KNG1: variants seen among roughly 807,000 people sequenced by gnomAD.
KNG1 encodes the protein kininogen-1.
A neutral mutation model predicts 47.8 loss-of-function variants in KNG1; 23 were observed. The ratio of observed to expected loss-of-function variants is 0.48; its 90% CI spans 0.35 to 0.68. The LOEUF (loss-of-function observed/expected upper bound fraction) is 0.68, where lower values mean the gene tolerates loss of function less well. KNG1 is among the 30% of genes least tolerant of loss of function. The pLI is 0.01. For missense variants in KNG1, 762 were observed against 790.2 expected (o/e 0.96, Z 0.43); for synonymous variants, 277 against 277.0 (o/e 1.00, Z 0.00).
At position 186,743,410 on chromosome 3, in the gene KNG1, C is replaced by A. The variant is rs1029151052; in HGVS notation, c.*1079C>A. ...AGAATAATAGGATTGCCTTTCATTGCCCTATAGTGCAAAGAAGGTATATGC... is the reference window on the plus strand; with the variant it reads ...AGAATAATAGGATTGCCTTTCATTGACCTATAGTGCAAAGAAGGTATATGC... On this transcript the variant is annotated 3_prime_UTR_variant, in exon 10 of 10. Coordinates refer to ENST00000644859, the MANE Select transcript of KNG1 (RefSeq NM_001102416.3). The A allele has an allele frequency of 2.1e-5, 8 of 386,990 alleles. No individual in the cohort carries two copies. Among genetic ancestry groups the A allele is most frequent in the Non-Finnish European group, 3.9e-5 (8 of 205,950 alleles). The allele number at this position is 386,990 out of a possible 1,614,324, so 24.0% of individuals were successfully genotyped here. A position where few individuals can be genotyped will look rare whatever the true frequency, so the allele number is the denominator to read the frequency against.
chr3:186,725,542 G>GTTTTTTTTTTTTTTTT lies in KNG1; in HGVS notation c.564+282_564+283insTTTTTTTTTTTTTTTT, dbSNP rs1560063426. Among the ~76,000 whole-genome samples, 56 of 75,026 alleles carry GTTTTTTTTTTTTTTTT rather than the reference G, an allele frequency of 7.5e-4. 1 individual carries two copies. Among genetic ancestry groups the GTTTTTTTTTTTTTTTT allele is most frequent in the South Asian group, 8.5e-4 (2 of 2,354 alleles). 49.2% of individuals were successfully genotyped at this position (75,026 alleles called of 152,430 possible). On this transcript the variant is annotated intron_variant, in intron 4 of 9. Coordinates refer to ENST00000644859, the MANE Select transcript of KNG1 (RefSeq NM_001102416.3). ...AAAGGAAAAGTCATACCGGCCTTAG[G>GTTTTTTTTTTTTTTTT]ATTTTTTTTTTTTTTTTTTTGAGAC...
At chr3:186,718,781 G>A (rs899231569) in intron 1 of KNG1, among the ~76,000 whole-genome samples, 1 of 152,114 alleles carries the variant, frequency 6.6e-6, no homozygotes, top group Non-Finnish European at 1.5e-5. Context: ...GTGATTCTAC[G>A]GAATTAGACA....
intron 5 of KNG1, among the ~76,000 whole-genome samples, chr3:186,730,408 A>AATCCCAGC (rs1720481544): frequency 6.6e-6 from 1 of 151,830 alleles, no homozygotes; most frequent in African/African-American, 2.4e-5. Context: ...TCATGCCTGT[A>AATCCCAGC]ATCCCAGCAT....
chr3:186,727,723 C>A (rs1490616149), intron 5 of KNG1, among the ~76,000 whole-genome samples: 1 of 152,082 alleles, frequency 6.6e-6, no homozygotes, highest in Non-Finnish European at 1.5e-5. Context: ...AGGCGCCAAC[C>A]ACCACGCATG....
At chr3:186,732,702 AACACT>A (rs1489516908) in intron 7 of KNG1, 28 bp downstream of exon 7, 2 of 1,578,410 alleles carry the variant, frequency 1.3e-6, no homozygotes, top group South Asian at 2.2e-5. Context: ...CAAAAGCAGT[AACACT>A]ATAGTCTATG....
chr3:186,728,252 A>T (rs1720425855), intron 5 of KNG1: 1 of 152,160 alleles, frequency 6.6e-6, no homozygotes, highest in Admixed American at 6.6e-5. Flanking sequence ...TTTGCATTTG[A>T]GCAGAAGACT....
At position 186,727,263 on chromosome 3, in the gene KNG1, T is replaced by G. The variant is rs2304456; in HGVS notation, c.591T>G (p.Ile197Met). The G allele has an allele frequency of 0.11, 183,253 of 1,610,870 alleles. 11,734 individuals are homozygous for G. Among genetic ancestry groups the G allele is most frequent in the South Asian group, 0.22 (19,808 of 90,988 alleles). Residue 197 changes from isoleucine to methionine, a missense_variant, in exon 5 of 10, where the codon ATT becomes ATG. Transcript: ENST00000644859. ...TGGTGGCTGGATTGAACTTTCGAAT[T>G]ACCTACTCAATTGTGCAAACGAATT... is the stretch of plus-strand genomic sequence containing the variant. ...RQVVAGLNFR[I>M]TYSIVQTNCS...
At position 186,742,927 on chromosome 3, in the gene KNG1, G is replaced by T. The variant is rs1720853655; in HGVS notation, c.*596G>T. ...AAAGAAATAATAAGAAAAACTTCCAGATTTCAAAGTAACAAGAAAGAAGAC... is the reference window on the plus strand; with the variant it reads ...AAAGAAATAATAAGAAAAACTTCCATATTTCAAAGTAACAAGAAAGAAGAC... On this transcript the variant is annotated 3_prime_UTR_variant, in exon 10 of 10. Transcript: ENST00000644859. 2 of 983,174 alleles carry T rather than the reference G, an allele frequency of 2.0e-6. No individual in the cohort carries two copies. The highest frequency in any genetic ancestry group is 9.4e-5 in the South Asian group (2 of 21,242). The allele number at this position is 983,174 out of a possible 1,614,324, so 60.9% of individuals were successfully genotyped here.
At chr3:186,736,138 CA>C (rs1720665617) in intron 7 of KNG1, 1 of 152,104 alleles carries the variant, frequency 6.6e-6, no homozygotes, top group African/African-American at 2.4e-5. Context: ...CAGGGGGACA[CA>C]AAGAGGTAAC....
At position 186,725,246 on chromosome 3, in the gene KNG1, CG is replaced by C. The variant is rs1560063290; in HGVS notation, c.553del (p.Ala185ProfsTer9). The C allele has an allele frequency of 6.2e-7, 1 of 1,613,960 alleles. No individual in the cohort carries two copies. The part of the protein sequence containing the change: ...SSLFMLNEVK[R>X]AQRQVVAGLN... Reference sequence around the variant, plus strand: ...CCTCTTCATGCTTAATGAAGTAAAACGGGCCCAAAGACAGGTTTGTTCTTTA... The same window carrying C: ...CCTCTTCATGCTTAATGAAGTAAAACGGCCCAAAGACAGGTTTGTTCTTTA... On this transcript the variant is annotated frameshift_variant, in exon 4 of 10. Coordinates refer to ENST00000644859, the MANE Select transcript of KNG1 (RefSeq NM_001102416.3). LOFTEE classifies it high-confidence loss of function.
Position 186,742,984 on chromosome 3 carries a change from AAATT to A in KNG1, c.*658_*661del, listed in dbSNP as rs1462429452. The A allele has an allele frequency of 3.1e-6, 3 of 979,058 alleles. No individual in the cohort carries two copies. In the African/African-American group the frequency reaches 5.3e-5, roughly 17 times the overall value. 60.6% of individuals were successfully genotyped at this position (979,058 alleles called of 1,614,324 possible). A position where few individuals can be genotyped will look rare whatever the true frequency, so the allele number is the denominator to read the frequency against. ...GCCAAAGGGAGGAAAGGGGGGACAT[AAATT>A]AATTGACTTTCTATTCCCAAAATGG... is the stretch of plus-strand genomic sequence containing the variant. On this transcript the variant is annotated 3_prime_UTR_variant, in exon 10 of 10. Transcript: ENST00000644859.
Position 186,739,225 on chromosome 3 carries a change from G to A in KNG1, c.1038+19G>A, listed in dbSNP as rs1404548201. On this transcript the variant is annotated intron_variant, in intron 8 of 9. Coordinates refer to ENST00000644859, the MANE Select transcript of KNG1 (RefSeq NM_001102416.3). ...ACTTGGCGTGAGTAGTCATGCACCT[G>A]TCTACTTTTTCACTGGAAGCCTATT... 1 of 1,601,054 alleles carries A rather than the reference G, an allele frequency of 6.2e-7. No homozygotes were observed. The highest frequency in any genetic ancestry group is 2.2e-5 in the East Asian group (1 of 44,804).
In KNG1 at chr3:186,725,143, A is replaced by G. The variant is rs1720320968; in HGVS notation, c.447A>G (p.Ile149Met). 1 of 1,614,104 alleles carries G rather than the reference A, an allele frequency of 6.2e-7. No homozygotes were observed. The highest frequency in any genetic ancestry group is 8.5e-7 in the Non-Finnish European group (1 of 1,180,016). ...QYDCLGCVHP[I>M]STQSPDLEPI... ...ACTGCCTCGGCTGTGTGCATCCTAT[A>G]TCAACGCAGAGCCCAGACCTGGAGC... Residue 149 changes from isoleucine to methionine, a missense_variant, in exon 4 of 10, where the codon ATA (isoleucine) becomes ATG (methionine). By Grantham distance (10) the Ile-to-Met change is conservative. Transcript: ENST00000644859.
chr3:186,742,000 C>T lies in KNG1; in HGVS notation c.1604C>T (p.Ser535Phe), dbSNP rs1187464557. 2 of 1,614,134 alleles carry T rather than the reference C, an allele frequency of 1.2e-6. No homozygotes were observed. Among genetic ancestry groups the T allele is most frequent in the African/African-American group, 2.7e-5 (2 of 74,940 alleles). The change falls in exon 10 of 10, where the codon TCT becomes TTT. Residue 535 changes from serine to phenylalanine, a missense_variant. By Grantham distance (155) the Ser-to-Phe change is radical. Coordinates refer to ENST00000644859, the MANE Select transcript of KNG1 (RefSeq NM_001102416.3). ...ASSSEDSTTP[S>F]AQTQEKTEGP... The stretch of plus-strand genomic sequence containing the variant: ...TCTTCTGAAGACAGTACTACACCTT[C>T]TGCACAGACACAAGAGAAGACAGAA...
At chr3:186,724,993 G>A in intron 3 of KNG1, 95 bp from the exon 4 acceptor site, 4 of 1,377,946 alleles carry the variant, frequency 2.9e-6, no homozygotes, top group Admixed American at 1.9e-5. Flanking sequence ...TTACAGGCAT[G>A]AGCCACCACG....
chr3:186,737,091 T>C (rs895569776), intron 7 of KNG1, among the ~76,000 whole-genome samples: 1 of 152,208 alleles, frequency 6.6e-6, no homozygotes, highest in African/African-American at 2.4e-5. Flanking sequence ...ATTTGAATTC[T>C]CTTCCTACCA....
Position 186,727,285 on chromosome 3 carries a change from A to C in KNG1, c.613A>C (p.Asn205His). 1 of 1,614,046 alleles carries C rather than the reference A, an allele frequency of 6.2e-7. No homozygotes were observed. The highest frequency in any genetic ancestry group is 1.1e-5 in the South Asian group (1 of 91,090). ...AATTACCTACTCAATTGTGCAAACG[A>C]ATTGTTCCAAAGAGAATTTTCTGTT... ...FRITYSIVQTNCSKENFLFLT... is the reference protein window; with the variant it reads ...FRITYSIVQTHCSKENFLFLT... Residue 205 changes from asparagine to histidine, a missense_variant, in exon 5 of 10, where the codon AAT becomes CAT. Transcript: ENST00000644859.
At position 186,720,115 on chromosome 3, in the gene KNG1, A is replaced by G; in HGVS notation, c.206A>G (p.Asp69Gly). Residue 69 changes from aspartate to glycine, a missense_variant, in exon 2 of 10, where the codon GAC becomes GGC. Physicochemically the swap from Asp to Gly is moderately conservative, Grantham distance 94 (BLOSUM62 -1). Coordinates refer to ENST00000644859, the MANE Select transcript of KNG1 (RefSeq NM_001102416.3). ...ITEATKTVGS[D>G]TFYSFKYEIK... Reference sequence around the variant, plus strand: ...TTGGCTGCTTTTCAGGTTGGCTCTGACACGTTTTATTCCTTCAAGTACGAA... The same window carrying G: ...TTGGCTGCTTTTCAGGTTGGCTCTGGCACGTTTTATTCCTTCAAGTACGAA... 1 of 1,613,050 alleles carries G rather than the reference A, an allele frequency of 6.2e-7. No homozygotes were observed. Among genetic ancestry groups the G allele is most frequent in the Non-Finnish European group, 8.5e-7 (1 of 1,179,026 alleles).
At chr3:186,717,931 C>T (rs1229383050) in intron 1 of KNG1, 194 bp downstream of exon 1, 1 of 534,114 alleles carries the variant, frequency 1.9e-6, no homozygotes, top group Non-Finnish European at 3.4e-6. Flanking sequence ...CACCACCCAC[C>T]ACCCACCACC....
Sources: allele counts gnomAD v4.1 joint callset (sites outside exome capture counted in the v4.1 genomes callset), GRCh38; gene constraint gnomAD v4.1.1; transcripts MANE v1.5; gene names NCBI Gene and HGNC (gene_info 2026-07-23, HGNC 2026-07-21).